EPHA6: variants seen among roughly 807,000 people sequenced by gnomAD.
The protein encoded by EPHA6 is ephrin type-A receptor 6.
A neutral mutation model predicts 112.0 loss-of-function variants in EPHA6; 50 were observed. The observed-to-expected ratio is 0.45, with a 90% CI of 0.36 to 0.56. The LOEUF is 0.56. EPHA6 is among the 20% of genes least tolerant of loss of function. The pLI is 0.00. For missense variants in EPHA6, 1,280 were observed against 1,417.4 expected, an observed-to-expected ratio of 0.90 and a Z score of 1.56; for synonymous variants, 529 against 490.7, an observed-to-expected ratio of 1.08 and a Z score of -1.03.
At chr3:97,226,182 TA>T in intron 3 of EPHA6, 81 bp from the exon 4 acceptor site, 1 of 1,121,914 alleles carries the variant, frequency 8.9e-7, no homozygotes, top group South Asian at 1.9e-5. Context: ...AATGTGAATA[TA>T]AATTAAAGTA....
At chr3:97,469,156 T>G (rs917566313) in intron 7 of EPHA6, among the ~76,000 whole-genome samples, 19 of 151,706 alleles carry the variant, frequency 1.3e-4, no homozygotes, top group African/African-American at 4.6e-4. Context: ...GTGAATTATT[T>G]GATGCTCCTT....
chr3:97,275,543 A>C (rs2080042794), intron 5 of EPHA6, among the ~76,000 whole-genome samples: 1 of 152,104 alleles, frequency 6.6e-6, no homozygotes, highest in South Asian at 2.1e-4. Flanking sequence ...GACGGGGTGG[A>C]TAGGCAAAAC....
At chr3:97,369,435 G>A (rs1293469581) in intron 5 of EPHA6, among the ~76,000 whole-genome samples, 1 of 152,154 alleles carries the variant, frequency 6.6e-6, no homozygotes, top group African/African-American at 2.4e-5. Flanking sequence ...GACAGGATTT[G>A]TTGACAATGG....
chr3:96,859,161 C>T (rs917250510), intron 1 of EPHA6, among the ~76,000 whole-genome samples: 7 of 151,958 alleles, frequency 4.6e-5, no homozygotes, highest in Admixed American at 1.3e-4. Context: ...CCACAAACAC[C>T]CCCCCAACAC....
intron 11 of EPHA6, among the ~76,000 whole-genome samples, chr3:97,562,137 A>C (rs1231162240): frequency 6.6e-6 from 1 of 152,142 alleles, no homozygotes; most frequent in Non-Finnish European, 1.5e-5. Flanking sequence ...CTGCTTAGAA[A>C]ACATCCATTC....
At chr3:97,577,822 T>G (rs1212387122) in intron 11 of EPHA6, among the ~76,000 whole-genome samples, 4 of 151,974 alleles carry the variant, frequency 2.6e-5, no homozygotes, top group East Asian at 1.9e-4. Flanking sequence ...TTTTTCTTGG[T>G]TTTTTTTGTA....
At chr3:97,187,471 G>C (rs1280517628) in intron 3 of EPHA6, among the ~76,000 whole-genome samples, 1 of 151,720 alleles carries the variant, frequency 6.6e-6, no homozygotes, top group Non-Finnish European at 1.5e-5. Context: ...TTAGGAGGCT[G>C]AGGCAGGAGA....
At chr3:97,641,465 GGTCTACAGCTCCCAGC>G (rs1450280059) in intron 14 of EPHA6, among the ~76,000 whole-genome samples, 3 of 152,160 alleles carry the variant, frequency 2.0e-5, no homozygotes, top group Non-Finnish European at 4.4e-5. Context: ...GAATAGCTCC[GGTCTACAGCTCCCAGC>G]GTGAGCGACG....
chr3:97,414,045 T>G (rs1437471844), intron 6 of EPHA6, among the ~76,000 whole-genome samples: 1 of 151,996 alleles, frequency 6.6e-6, no homozygotes, highest in Non-Finnish European at 1.5e-5. Context: ...AGTACAAACA[T>G]ACTTACCAAA....
Position 97,760,335 on chromosome 3 carries a change from G to GAT in EPHA6, c.*11649_*11650dup, listed in dbSNP as rs777338477. Reference sequence around the variant, plus strand: ...TTGTGCTTGGTGCTTTGTTTCTGGAGATATATATATATATATTATATATAT... The same window carrying GAT: ...TTGTGCTTGGTGCTTTGTTTCTGGAGATATATATATATATATATTATATATAT... On this transcript the variant is annotated 3_prime_UTR_variant, in exon 18 of 18. Coordinates refer to ENST00000389672, the MANE Select transcript of EPHA6 (RefSeq NM_001080448.3). 468 of 156,716 alleles carry GAT rather than the reference G, an allele frequency of 3.0e-3. 4 individuals carry two copies. Among genetic ancestry groups the GAT allele is most frequent in the East Asian group, 8.0e-3 (62 of 7,714 alleles). The allele number at this position is 156,716 out of a possible 1,614,324, so 9.7% of individuals were successfully genotyped here.
chr3:97,401,505 T>A (rs1365621689), intron 5 of EPHA6, among the ~76,000 whole-genome samples: 2 of 151,856 alleles, frequency 1.3e-5, no homozygotes, highest in Admixed American at 6.6e-5. Context: ...CTTTGTATTC[T>A]TGTGGTATCA....
chr3:97,325,225 G>A (rs896085347), intron 5 of EPHA6, among the ~76,000 whole-genome samples: 4 of 152,032 alleles, frequency 2.6e-5, no homozygotes, highest in East Asian at 1.9e-4. Context: ...AAGCACCATC[G>A]ACTATGTGGC....
At chr3:96,975,825 A>G (rs1282432013) in intron 2 of EPHA6, among the ~76,000 whole-genome samples, 1 of 152,146 alleles carries the variant, frequency 6.6e-6, no homozygotes, top group African/African-American at 2.4e-5. Flanking sequence ...GGTCATGAAA[A>G]CAGAAATTAT....
intron 5 of EPHA6, among the ~76,000 whole-genome samples, chr3:97,362,688 T>C (rs1391435165): frequency 6.6e-6 from 1 of 152,010 alleles, no homozygotes; most frequent in Non-Finnish European, 1.5e-5. Context: ...AAGTACCCTG[T>C]GGGTTAATTG....
At chr3:97,251,256 C>T (rs888834781) in intron 5 of EPHA6, among the ~76,000 whole-genome samples, 3 of 152,020 alleles carry the variant, frequency 2.0e-5, no homozygotes, top group Non-Finnish European at 4.4e-5. Flanking sequence ...AAAGGCCGGG[C>T]GCAGTGGCTC....
At chr3:97,640,732 A>T (rs546859004) in intron 14 of EPHA6, among the ~76,000 whole-genome samples, 1 of 152,248 alleles carries the variant, frequency 6.6e-6, no homozygotes, top group East Asian at 1.9e-4. Flanking sequence ...ATGAACTGAG[A>T]TCATGCCATT....
At chr3:96,920,017 C>T (rs1211690986) in intron 2 of EPHA6, among the ~76,000 whole-genome samples, 1 of 151,846 alleles carries the variant, frequency 6.6e-6, no homozygotes, top group Non-Finnish European at 1.5e-5. Context: ...AAGTAAATGA[C>T]TTTGGAGCAG....
chr3:97,171,502 T>C (rs1226715908), intron 3 of EPHA6, among the ~76,000 whole-genome samples: 1 of 151,894 alleles, frequency 6.6e-6, no homozygotes. Context: ...AAGACAAACA[T>C]GCAACAGGTA....
chr3:97,250,018 C>A (rs1286890820), intron 5 of EPHA6, among the ~76,000 whole-genome samples: 2 of 152,032 alleles, frequency 1.3e-5, no homozygotes, highest in Non-Finnish European at 2.9e-5. Flanking sequence ...TAGTTTTATG[C>A]AAGGAAACCA....
Sources: gnomAD v4.1 joint callset for allele counts (sites outside exome capture counted in the v4.1 genomes callset) on GRCh38, gnomAD v4.1.1 for gene constraint, MANE v1.5 for transcripts, NCBI Gene and HGNC (gene_info 2026-07-23, HGNC 2026-07-21) for gene names.